Variants in UVRAG observed in about 807,000 individuals in gnomAD.
UVRAG encodes the protein UV radiation resistance associated.
In UVRAG, 19 loss-of-function variants were observed where a neutral mutation model predicts 78.0. That is an observed-to-expected ratio of 0.24 (90% CI 0.17 to 0.36). UVRAG has a LOEUF of 0.36. UVRAG is among the 10% of genes least tolerant of loss of function. The pLI is 1.00. For missense variants in UVRAG, 740 were observed against 853.8 expected (o/e 0.87, Z 1.66); for synonymous variants, 323 against 324.6 (o/e 1.00, Z 0.05).
At chr11:75,820,662 T>C (rs1310702303) in intron 1 of UVRAG, among the ~76,000 whole-genome samples, 2 of 152,204 alleles carry the variant, frequency 1.3e-5, no homozygotes, top group Non-Finnish European at 2.9e-5. Flanking sequence ...GCCTCACTTA[T>C]TCTTAACATC....
At chr11:75,982,131 T>C (rs2135273874) in intron 7 of UVRAG, among the ~76,000 whole-genome samples, 1 of 152,310 alleles carries the variant, frequency 6.6e-6, no homozygotes, top group South Asian at 2.1e-4. Context: ...ATTTTGGGCA[T>C]TAAGTTTTAA....
intron 9 of UVRAG, among the ~76,000 whole-genome samples, chr11:76,005,006 A>T (rs1280399359): frequency 2.0e-5 from 3 of 152,050 alleles, no homozygotes; most frequent in Non-Finnish European, 4.4e-5. Flanking sequence ...AAATCCATCC[A>T]TCATGCACTT....
At chr11:76,012,229 C>T (rs920755067) in intron 11 of UVRAG, among the ~76,000 whole-genome samples, 19 of 151,048 alleles carry the variant, frequency 1.3e-4, no homozygotes, top group African/African-American at 4.6e-4. Flanking sequence ...TAACATGGAA[C>T]ATCATGATGT....
At chr11:75,830,524 G>A (rs1213058596) in intron 1 of UVRAG, among the ~76,000 whole-genome samples, 3 of 151,320 alleles carry the variant, frequency 2.0e-5, no homozygotes, top group East Asian at 3.9e-4. Flanking sequence ...ACCCGCCTCC[G>A]CCTCCCAAAG....
At chr11:76,096,583 G>A (rs554763924) in intron 13 of UVRAG, among the ~76,000 whole-genome samples, 11 of 152,292 alleles carry the variant, frequency 7.2e-5, no homozygotes, top group South Asian at 4.1e-4. Context: ...GTGTGTGTGC[G>A]TGCTAAAGTG....
chr11:76,044,761 G>A (rs928431384), intron 12 of UVRAG, among the ~76,000 whole-genome samples: 5 of 151,984 alleles, frequency 3.3e-5, no homozygotes, highest in African/African-American at 1.2e-4. Context: ...GCTACGGAGC[G>A]AGACTCCATC....
intron 11 of UVRAG, among the ~76,000 whole-genome samples, chr11:76,015,560 A>G (rs1950130730): frequency 6.6e-6 from 1 of 152,150 alleles, no homozygotes; most frequent in African/African-American, 2.4e-5. Context: ...AATGTCATAT[A>G]TAAAGTACTA....
intron 11 of UVRAG, among the ~76,000 whole-genome samples, chr11:76,010,772 G>T (rs949346970): frequency 5.9e-5 from 9 of 152,118 alleles, no homozygotes; most frequent in Non-Finnish European, 1.3e-4. Flanking sequence ...GAGGCAGGAA[G>T]GACAGTAAAG....
chr11:76,031,159 C>CTGAA (rs1794830729), intron 12 of UVRAG, among the ~76,000 whole-genome samples: 1 of 152,182 alleles, frequency 6.6e-6, no homozygotes, highest in African/African-American at 2.4e-5. Flanking sequence ...ATCATTATTT[C>CTGAA]ATAGAGTCCC....
At chr11:75,866,526 C>T (rs1249364248) in intron 3 of UVRAG, among the ~76,000 whole-genome samples, 5 of 151,642 alleles carry the variant, frequency 3.3e-5, no homozygotes, top group East Asian at 1.9e-4. Flanking sequence ...CCAGCTTGGG[C>T]GACACAGTGA....
rs1383445588 is a variant in UVRAG at position 75,875,546 on chromosome 11, C to T, written c.271-4333C>T. Reference sequence around the variant, plus strand: ...TAATTCCTTGCCTCCTTCCTTAATCCATTTTCTCTCTCTGGACTGCTTGCT... The same window carrying T: ...TAATTCCTTGCCTCCTTCCTTAATCTATTTTCTCTCTCTGGACTGCTTGCT... On this transcript the variant is annotated intron_variant, in intron 3 of 14. Transcript: ENST00000356136. Among the ~76,000 whole-genome samples the T allele has an allele frequency of 9.3e-5, 14 of 150,662 alleles. 1 individual carries two copies. In the South Asian group the frequency reaches 1.9e-3, roughly 20 times the overall value.
At chr11:76,013,364 G>A (rs1281276667) in intron 11 of UVRAG, among the ~76,000 whole-genome samples, 3 of 152,092 alleles carry the variant, frequency 2.0e-5, no homozygotes, top group Non-Finnish European at 4.4e-5. Context: ...GTTGGAATTA[G>A]CATCTTTTTC....
chr11:76,118,032 TCA>T (rs1386098803), intron 14 of UVRAG, among the ~76,000 whole-genome samples: 1 of 152,258 alleles, frequency 6.6e-6, no homozygotes, highest in Admixed American at 6.5e-5. Flanking sequence ...TTGAGTGATT[TCA>T]CAGTTTTATG....
At chr11:75,961,419 A>C (rs780251839) in intron 6 of UVRAG, 25 bp from the exon 7 acceptor site, 2 of 1,563,014 alleles carry the variant, frequency 1.3e-6, no homozygotes, top group South Asian at 1.2e-5. Context: ...ACTCATTTAC[A>C]TTTTTCTATA....
intron 11 of UVRAG, among the ~76,000 whole-genome samples, chr11:76,011,427 C>T (rs1269325140): frequency 6.6e-6 from 1 of 152,096 alleles, no homozygotes. Flanking sequence ...AGTTTGAGAC[C>T]AGCCTGACCG....
chr11:75,986,232 G>A lies in UVRAG; in HGVS notation c.826+2719G>A, dbSNP rs1424258529. Among the ~76,000 whole-genome samples the A allele has an allele frequency of 3.9e-5, 6 of 152,146 alleles. No homozygotes were observed. The East Asian group carries it at 9.6e-4, about 24-fold the overall frequency. On this transcript the variant is annotated intron_variant, in intron 8 of 14. Transcript: ENST00000356136. ...GTTTATTAGATCTTCTTTACAAAAC[G>A]TTATCGAAATAAGATAGTGTATGGG...
intron 8 of UVRAG, among the ~76,000 whole-genome samples, chr11:75,995,946 G>A (rs1375132813): frequency 6.6e-6 from 1 of 152,012 alleles, no homozygotes; most frequent in Non-Finnish European, 1.5e-5. Context: ...ATTCTCCCTA[G>A]GATTTATGCT....
intron 1 of UVRAG, among the ~76,000 whole-genome samples, chr11:75,847,415 C>G (rs184023517): frequency 2.7e-4 from 41 of 152,280 alleles, no homozygotes; most frequent in South Asian, 4.1e-4. Context: ...GTATGAGCCA[C>G]TGTGCCCAGC....
At chr11:75,816,733 C>A (rs1049873403) in intron 1 of UVRAG, among the ~76,000 whole-genome samples, 5 of 152,174 alleles carry the variant, frequency 3.3e-5, no homozygotes, top group African/African-American at 1.2e-4. Context: ...AGAGTGAGTT[C>A]TTTCATACAC....
Sources: allele counts gnomAD v4.1 joint callset (sites outside exome capture counted in the v4.1 genomes callset), GRCh38; gene constraint gnomAD v4.1.1; transcripts MANE v1.5; gene names NCBI Gene and HGNC (gene_info 2026-07-23, HGNC 2026-07-21).